The following BTRC variants were observed in gnomAD, a reference collection of about 807,000 sequenced individuals.
BTRC encodes the protein beta-transducin repeat containing E3 ubiquitin protein ligase.
Under a neutral mutation model 85.5 loss-of-function variants are expected in BTRC, and 42 were observed. That is an observed-to-expected ratio of 0.49 (90% CI 0.38 to 0.64). The LOEUF (loss-of-function observed/expected upper bound fraction) is 0.64, where lower values mean the gene tolerates loss of function less well. BTRC is among the 30% of genes least tolerant of loss of function. The pLI is 0.00. For missense variants in BTRC, 594 were observed against 743.5 expected, an observed-to-expected ratio of 0.80 and a Z score of 2.34; for synonymous variants, 255 against 263.3, an observed-to-expected ratio of 0.97 and a Z score of 0.30.
At chr10:101,508,714 A>C (rs1385732662) in intron 4 of BTRC, among the ~76,000 whole-genome samples, 1 of 152,132 alleles carries the variant, frequency 6.6e-6, no homozygotes, top group Admixed American at 6.5e-5. Context: ...GGAGATCAAG[A>C]CCACCCTGGC....
At chr10:101,456,715 G>T (rs1381351916) in intron 2 of BTRC, among the ~76,000 whole-genome samples, 4 of 152,110 alleles carry the variant, frequency 2.6e-5, no homozygotes, top group African/African-American at 9.7e-5. Flanking sequence ...TACTGTATCT[G>T]CAGGTGTTAC....
At chr10:101,437,706 A>T (rs1395582640) in intron 2 of BTRC, among the ~76,000 whole-genome samples, 1 of 152,178 alleles carries the variant, frequency 6.6e-6, no homozygotes, top group African/African-American at 2.4e-5. Flanking sequence ...TGAATTGAAC[A>T]AAGTTTGAAT....
chr10:101,514,532 A>T (rs1258770266), intron 4 of BTRC, among the ~76,000 whole-genome samples: 1 of 151,898 alleles, frequency 6.6e-6, no homozygotes, highest in Non-Finnish European at 1.5e-5. Flanking sequence ...GGCTCACTAT[A>T]ACCTCCACCT....
At chr10:101,421,759 A>G (rs192472426) in intron 1 of BTRC, among the ~76,000 whole-genome samples, 1,784 of 151,090 alleles carry the variant, frequency 0.012, 52 homozygotes, top group East Asian at 0.055. Flanking sequence ...GCTGAGAATG[A>G]TGGTTTCCAG....
chr10:101,445,991 G>C (rs986871121), intron 2 of BTRC, among the ~76,000 whole-genome samples: 2 of 152,176 alleles, frequency 1.3e-5, no homozygotes, highest in African/African-American at 4.8e-5. Flanking sequence ...CACTGGGACG[G>C]AAGATTGCTT....
chr10:101,404,481 G>A (rs1389171161), intron 1 of BTRC, among the ~76,000 whole-genome samples: 1 of 152,018 alleles, frequency 6.6e-6, no homozygotes, highest in African/African-American at 2.4e-5. Context: ...TTAATATTAT[G>A]CAACTCAGTT....
intron 2 of BTRC, among the ~76,000 whole-genome samples, chr10:101,437,704 A>T (rs1944567752): frequency 6.6e-6 from 1 of 152,162 alleles, no homozygotes; most frequent in African/African-American, 2.4e-5. Context: ...TTTGAATTGA[A>T]CAAAGTTTGA....
At chr10:101,397,929 AGT>A (rs1388699601) in intron 1 of BTRC, among the ~76,000 whole-genome samples, 1 of 152,208 alleles carries the variant, frequency 6.6e-6, no homozygotes, top group African/African-American at 2.4e-5. Context: ...AAGCTTCTTA[AGT>A]GTTTTTAAAA....
intron 1 of BTRC, among the ~76,000 whole-genome samples, chr10:101,358,123 C>T (rs192509500): frequency 6.6e-6 from 1 of 152,224 alleles, no homozygotes; most frequent in East Asian, 1.9e-4. Flanking sequence ...TTTGTTTTCA[C>T]CTTTGAGACA....
intron 4 of BTRC, among the ~76,000 whole-genome samples, chr10:101,500,342 A>T (rs764163950): frequency 6.6e-6 from 1 of 152,206 alleles, no homozygotes; most frequent in African/African-American, 2.4e-5. Context: ...TAGAAAAGGT[A>T]TAGTAAGAAT....
At chr10:101,426,253 T>G (rs76257620) in intron 1 of BTRC, among the ~76,000 whole-genome samples, 1 of 152,320 alleles carries the variant, frequency 6.6e-6, no homozygotes, top group African/African-American at 2.4e-5. Flanking sequence ...ATAGATAAGA[T>G]TAATTGTTAC....
chr10:101,361,960 AT>A (rs1185042843), intron 1 of BTRC, among the ~76,000 whole-genome samples: 2 of 151,392 alleles, frequency 1.3e-5, no homozygotes, highest in Admixed American at 6.6e-5. Context: ...TGAGTTGGAT[AT>A]TTTTTTTTCT....
intron 1 of BTRC, among the ~76,000 whole-genome samples, chr10:101,359,450 C>T (rs1942137864): frequency 6.6e-6 from 1 of 152,004 alleles, no homozygotes. Context: ...CTGAGATACC[C>T]TGAGTCTCGC....
At chr10:101,361,668 A>T (rs1348856254) in intron 1 of BTRC, among the ~76,000 whole-genome samples, 1 of 152,216 alleles carries the variant, frequency 6.6e-6, no homozygotes, top group Non-Finnish European at 1.5e-5. Flanking sequence ...GAATTTCTGG[A>T]TAATTAGAAT....
At chr10:101,392,234 T>A (rs1358920470) in intron 1 of BTRC, among the ~76,000 whole-genome samples, 1 of 152,198 alleles carries the variant, frequency 6.6e-6, no homozygotes, top group Non-Finnish European at 1.5e-5. Flanking sequence ...CGCCTTGGCC[T>A]CCCAAACTGC....
chr10:101,490,777 G>A (rs139359490), intron 4 of BTRC, among the ~76,000 whole-genome samples: 62 of 152,164 alleles, frequency 4.1e-4, no homozygotes, highest in African/African-American at 1.2e-3. Flanking sequence ...ATCTCTTTTC[G>A]GCTGGGTGTG....
At chr10:101,530,099 G>A (rs2062257808) in intron 6 of BTRC, among the ~76,000 whole-genome samples, 1 of 152,044 alleles carries the variant, frequency 6.6e-6, no homozygotes, top group Admixed American at 6.6e-5. Flanking sequence ...CTTGGGATAC[G>A]AGTATTCCAG....
At chr10:101,433,727 AC>A (rs1323142351) in intron 2 of BTRC, among the ~76,000 whole-genome samples, 2 of 152,182 alleles carry the variant, frequency 1.3e-5, no homozygotes, top group Non-Finnish European at 2.9e-5. Context: ...GGATTTAAGC[AC>A]AAGTTTTACC....
intron 2 of BTRC, among the ~76,000 whole-genome samples, chr10:101,453,903 G>A (rs772601469): frequency 2.8e-4 from 42 of 152,220 alleles, no homozygotes; most frequent in Non-Finnish European, 5.3e-4. Context: ...CTTTCTTGTG[G>A]CCACTTACCT....
Sources: gnomAD v4.1 joint callset for allele counts (sites outside exome capture counted in the v4.1 genomes callset) on GRCh38, gnomAD v4.1.1 for gene constraint, MANE v1.5 for transcripts, NCBI Gene and HGNC (gene_info 2026-07-23, HGNC 2026-07-21) for gene names.